Variants in CCSER1 observed in about 807,000 individuals in gnomAD.
The protein encoded by CCSER1 is coiled-coil serine rich protein 1, also known as serine-rich coiled-coil domain-containing protein 1.
CCSER1 carries 41 observed loss-of-function variants against 82.0 expected under a neutral mutation model. The ratio of observed to expected loss-of-function variants is 0.50; its 90% CI spans 0.39 to 0.65. The LOEUF is 0.65. Among genes scored for constraint, CCSER1 ranks in the 30% least tolerant of loss-of-function variants. CCSER1 has a pLI of 0.00. For missense variants in CCSER1, 1,119 were observed against 1,064.2 expected (o/e 1.05, Z -0.72); for synonymous variants, 414 against 383.9 (o/e 1.08, Z -0.92).
chr4:91,376,558 A>T (rs2149330799), intron 10 of CCSER1, among the ~76,000 whole-genome samples: 1 of 152,324 alleles, frequency 6.6e-6, no homozygotes, highest in Non-Finnish European at 1.5e-5. Flanking sequence ...GTCAATAAAA[A>T]TATGAAATGA....
chr4:90,999,183 C>A (rs1049864763), intron 9 of CCSER1, among the ~76,000 whole-genome samples: 21 of 152,062 alleles, frequency 1.4e-4, no homozygotes, highest in African/African-American at 5.1e-4. Context: ...AATAGTATTG[C>A]GATGAACATG....
chr4:91,351,691 C>T (rs2149300654), intron 10 of CCSER1, among the ~76,000 whole-genome samples: 1 of 151,848 alleles, frequency 6.6e-6, no homozygotes, highest in African/African-American at 2.4e-5. Context: ...TTCAGATGCT[C>T]TTAAGAATGA....
chr4:90,396,033 A>G (rs918444527), intron 3 of CCSER1, among the ~76,000 whole-genome samples: 1 of 152,168 alleles, frequency 6.6e-6, no homozygotes, highest in African/African-American at 2.4e-5. Flanking sequence ...GTGAGCCAAG[A>G]TCGCACCCCT....
At chr4:90,168,377 C>T (rs1452007240) in intron 1 of CCSER1, among the ~76,000 whole-genome samples, 1 of 151,804 alleles carries the variant, frequency 6.6e-6, no homozygotes, top group Middle Eastern at 3.2e-3. Context: ...GGATATTAGC[C>T]CTTTGTCAGA....
intron 6 of CCSER1, among the ~76,000 whole-genome samples, chr4:90,655,817 A>T (rs1729601345): frequency 6.6e-6 from 1 of 151,998 alleles, no homozygotes; most frequent in Non-Finnish European, 1.5e-5. Context: ...AAATAGAGAT[A>T]TTGTTAATCT....
intron 9 of CCSER1, among the ~76,000 whole-genome samples, chr4:90,996,299 A>C (rs559518363): frequency 2.0e-5 from 3 of 152,060 alleles, no homozygotes; most frequent in Non-Finnish European, 4.4e-5. Context: ...ACAAGCTTCT[A>C]TTGAGAATTT....
intron 6 of CCSER1, among the ~76,000 whole-genome samples, chr4:90,708,606 C>A (rs535843206): frequency 1.3e-5 from 2 of 152,150 alleles, no homozygotes; most frequent in African/African-American, 4.8e-5. Context: ...AACATAGTCA[C>A]TTAGGTCAGT....
chr4:90,707,929 A>G (rs1364954168), intron 6 of CCSER1, among the ~76,000 whole-genome samples: 1 of 152,140 alleles, frequency 6.6e-6, no homozygotes, highest in Non-Finnish European at 1.5e-5. Context: ...ACAAGCTGCC[A>G]ATATTATCCT....
At chr4:90,374,728 T>G (rs915304860) in intron 3 of CCSER1, among the ~76,000 whole-genome samples, 1 of 152,166 alleles carries the variant, frequency 6.6e-6, no homozygotes, top group Non-Finnish European at 1.5e-5. Flanking sequence ...GCTGATGGTA[T>G]TTTTTCAGAT....
intron 10 of CCSER1, among the ~76,000 whole-genome samples, chr4:91,409,902 G>A (rs1752928126): frequency 1.3e-5 from 2 of 152,076 alleles, no homozygotes; most frequent in South Asian, 2.1e-4. Flanking sequence ...GGCTGGTCTC[G>A]AACTCCCGAC....
At chr4:91,377,110 T>A (rs190246673) in intron 10 of CCSER1, among the ~76,000 whole-genome samples, 1 of 152,166 alleles carries the variant, frequency 6.6e-6, no homozygotes, top group Non-Finnish European at 1.5e-5. Flanking sequence ...TAGTATTCCA[T>A]GGTATATATG....
At chr4:90,489,630 C>A (rs927874265) in intron 5 of CCSER1, among the ~76,000 whole-genome samples, 2 of 152,266 alleles carry the variant, frequency 1.3e-5, no homozygotes, top group Admixed American at 6.5e-5. Context: ...ATTAACTCGT[C>A]ATTTACATTA....
chr4:90,748,881 G>T (rs1748033817), intron 7 of CCSER1, among the ~76,000 whole-genome samples: 1 of 150,142 alleles, frequency 6.7e-6, no homozygotes, highest in African/African-American at 2.5e-5. Context: ...TTTTTATGGG[G>T]TTGTTTGTTT....
intron 5 of CCSER1, among the ~76,000 whole-genome samples, chr4:90,500,995 A>G (rs905991270): frequency 3.3e-5 from 5 of 152,110 alleles, no homozygotes; most frequent in African/African-American, 1.2e-4. Flanking sequence ...TATATTCTAT[A>G]TAAAGAATAT....
chr4:91,141,488 A>G (rs1729025387), intron 10 of CCSER1, among the ~76,000 whole-genome samples: 1 of 152,090 alleles, frequency 6.6e-6, no homozygotes, highest in Non-Finnish European at 1.5e-5. Context: ...GTAGTGTCTC[A>G]TGGTGTATAT....
At chr4:90,608,540 A>G (rs1485022656) in intron 5 of CCSER1, among the ~76,000 whole-genome samples, 3 of 152,182 alleles carry the variant, frequency 2.0e-5, no homozygotes, top group Non-Finnish European at 2.9e-5. Flanking sequence ...TACAAGGCAT[A>G]TACACCAGGG....
At chr4:90,143,015 T>G (rs1313492039) in intron 1 of CCSER1, among the ~76,000 whole-genome samples, 1 of 152,220 alleles carries the variant, frequency 6.6e-6, no homozygotes, top group Non-Finnish European at 1.5e-5. Context: ...TATCCACTAT[T>G]TGTCACTTCC....
At chr4:91,262,462 A>G (rs1040093002) in intron 10 of CCSER1, among the ~76,000 whole-genome samples, 2 of 152,026 alleles carry the variant, frequency 1.3e-5, no homozygotes, top group African/African-American at 2.4e-5. Context: ...TTACTGAAAT[A>G]TAGAATGGTG....
At chr4:90,508,363 T>C (rs983551432) in intron 5 of CCSER1, among the ~76,000 whole-genome samples, 4 of 152,066 alleles carry the variant, frequency 2.6e-5, no homozygotes, top group African/African-American at 9.7e-5. Flanking sequence ...TTGTCCTTTT[T>C]CTGGATTTTT....
Sources: gnomAD v4.1 joint callset for allele counts (sites outside exome capture counted in the v4.1 genomes callset) on GRCh38, gnomAD v4.1.1 for gene constraint, MANE v1.5 for transcripts, NCBI Gene and HGNC (gene_info 2026-07-23, HGNC 2026-07-21) for gene names.